Variants in DHX37 observed in about 807,000 individuals in gnomAD.
DHX37 encodes the protein DEAH-box helicase 37.
In DHX37, 52 loss-of-function variants were observed where a neutral mutation model predicts 134.3. That is an observed-to-expected ratio of 0.39 (90% CI 0.31 to 0.49). The LOEUF (loss-of-function observed/expected upper bound fraction) is 0.49, where lower values mean the gene tolerates loss of function less well. DHX37 is among the 20% of genes least tolerant of loss of function. The pLI is 0.93. For missense variants in DHX37, 1,344 were observed against 1,580.8 expected, an observed-to-expected ratio of 0.85 and a Z score of 2.54; for synonymous variants, 634 against 670.7, an observed-to-expected ratio of 0.95 and a Z score of 0.85.
chr12:124,979,332 G>A (rs1051983441), intron 4 of DHX37, among the ~76,000 whole-genome samples: 5 of 152,192 alleles, frequency 3.3e-5, no homozygotes, highest in African/African-American at 1.2e-4. Flanking sequence ...TCAAACCTCT[G>A]CACTTTAGCC....
Position 124,961,218 on chromosome 12 carries a change from GCACACGCACGCACA to G in DHX37, c.2046-809_2046-796del, listed in dbSNP as rs1253760358. Among the ~76,000 whole-genome samples the G allele has an allele frequency of 2.0e-3, 225 of 112,002 alleles. 1 individual carries two copies. The highest frequency in any genetic ancestry group is 7.6e-3 in the African/African-American group (202 of 26,576). 73.5% of individuals were successfully genotyped at this position (112,002 alleles called of 152,430 possible). A position where few individuals can be genotyped will look rare whatever the true frequency, so the allele number is the denominator to read the frequency against. On this transcript the variant is annotated intron_variant, in intron 15 of 26. Coordinates refer to ENST00000308736, the MANE Select transcript of DHX37 (RefSeq NM_032656.4). ...CACACACATACACGTGTGCACGCACGCACACGCACGCACACACACATACACGCGTGCACGCACGC... is the reference window on the plus strand; with the variant it reads ...CACACACATACACGTGTGCACGCACGCACACATACACGCGTGCACGCACGC...
Position 124,988,898 on chromosome 12 carries a change from C to T in DHX37, c.106+19G>A, listed in dbSNP as rs760610816. On this transcript the variant is annotated intron_variant, in intron 1 of 26. Transcript: ENST00000308736. ...CTGGGAAATCTCCGAAATCCAGCCC[C>T]GGTCCGGGGATGTCTTACCCTCCAG... 1.5e-6 allele frequency: 2 copies of T among 1,305,942 alleles called. No homozygotes were observed. The highest frequency in any genetic ancestry group is 2.0e-6 in the Non-Finnish European group (2 of 1,013,212). 80.9% of individuals were successfully genotyped at this position (1,305,942 alleles called of 1,614,324 possible). A position where few individuals can be genotyped will look rare whatever the true frequency, so the allele number is the denominator to read the frequency against.
At chr12:124,947,988 C>T in intron 26 of DHX37, 96 bp downstream of exon 26, 1 of 1,613,174 alleles carries the variant, frequency 6.2e-7, no homozygotes, top group Non-Finnish European at 8.5e-7. Flanking sequence ...CCAGATCCTT[C>T]TGCCAAGCCA....
At chr12:124,960,538 G>A in intron 15 of DHX37, 115 bp from the exon 16 acceptor site, 13 of 1,485,052 alleles carry the variant, frequency 8.8e-6, no homozygotes, top group Non-Finnish European at 1.2e-5. Flanking sequence ...CATGCCACTG[G>A]GACTGGATCT....
intron 10 of DHX37, 76 bp downstream of exon 10, chr12:124,968,458 G>C: frequency 1.9e-6 from 3 of 1,580,900 alleles, no homozygotes; most frequent in South Asian, 1.1e-5. Context: ...CTCGGAGATG[G>C]GCCCTCCCAC....
intron 8 of DHX37, among the ~76,000 whole-genome samples, chr12:124,969,324 G>T (rs1381983214): frequency 6.6e-6 from 1 of 152,178 alleles, no homozygotes; most frequent in African/African-American, 2.4e-5. Flanking sequence ...TCTGTGGGGG[G>T]TGGGAGAGAG....
chr12:124,949,866 C>G lies in DHX37; in HGVS notation c.3290+120G>C, dbSNP rs1370813459. 12 of 1,161,370 alleles carry G rather than the reference C, an allele frequency of 1.0e-5. No individual in the cohort carries two copies. The highest frequency in any genetic ancestry group is 1.5e-5 in the Non-Finnish European group (12 of 819,568). The allele number at this position is 1,161,370 out of a possible 1,614,324, so 71.9% of individuals were successfully genotyped here. On this transcript the variant is annotated intron_variant, in intron 25 of 26. Coordinates refer to ENST00000308736, the MANE Select transcript of DHX37 (RefSeq NM_032656.4). The surrounding 1 kb of genome is among the most constrained non-coding windows in gnomAD (Gnocchi z 4.0). ...GCTCTGCAGAGCCTTCAGACCTGAGCACAGACTTCTGATGTTTTAAGCCTC... is the reference window on the plus strand; with the variant it reads ...GCTCTGCAGAGCCTTCAGACCTGAGGACAGACTTCTGATGTTTTAAGCCTC...
rs2135966014 is a variant in DHX37 at position 124,980,135 on chromosome 12, G to C, written c.738+355C>G. On this transcript the variant is annotated intron_variant, in intron 4 of 26. Coordinates refer to ENST00000308736, the MANE Select transcript of DHX37 (RefSeq NM_032656.4). This position sits in a 1 kb window ranked among gnomAD's most constrained non-coding sequence, Gnocchi z 5.3. ...GCGCGGGAAGTGAGCTGGAGAGCAGGGGAATCAGCACTTGATTTCGGGTCA... is the reference window on the plus strand; with the variant it reads ...GCGCGGGAAGTGAGCTGGAGAGCAGCGGAATCAGCACTTGATTTCGGGTCA... Among the ~76,000 whole-genome samples the C allele has an allele frequency of 6.6e-6, 1 of 152,334 alleles. No homozygotes were observed. Among genetic ancestry groups the C allele is most frequent in the South Asian group, 2.1e-4 (1 of 4,830 alleles).
intron 4 of DHX37, among the ~76,000 whole-genome samples, chr12:124,979,415 T>C (rs781155392): frequency 3.9e-4 from 59 of 152,092 alleles, no homozygotes; most frequent in Non-Finnish European, 6.0e-4. Context: ...AGCAAAAAGC[T>C]AAAACAACCA....
At chr12:124,970,668 T>G (rs570856330) in intron 8 of DHX37, among the ~76,000 whole-genome samples, 6 of 152,156 alleles carry the variant, frequency 3.9e-5, no homozygotes, top group Non-Finnish European at 8.8e-5. Context: ...CCACCCTTGC[T>G]GAAGTGGAGG....
At chr12:124,968,684 G>A (rs745705191) in intron 9 of DHX37, 36 bp from the exon 10 acceptor site, 7 of 1,613,452 alleles carry the variant, frequency 4.3e-6, no homozygotes, top group African/African-American at 4.0e-5. Context: ...GGAGTGGGGG[G>A]GACACGAGCT....
chr12:124,975,681 G>A (rs1397463407), intron 5 of DHX37, among the ~76,000 whole-genome samples, 170 bp from the exon 6 acceptor site: 1 of 152,202 alleles, frequency 6.6e-6, no homozygotes, highest in Non-Finnish European at 1.5e-5. Context: ...ACAGCCCAAA[G>A]GCCAACACAT....
chr12:124,971,215 G>A, intron 8 of DHX37, 87 bp downstream of exon 8: 1 of 1,538,014 alleles, frequency 6.5e-7, no homozygotes, highest in Non-Finnish European at 8.8e-7. Flanking sequence ...GGGTACAACG[G>A]GGAACAGGTG....
chr12:124,975,544 C>T (rs377016021), intron 5 of DHX37, 33 bp from the exon 6 acceptor site: 96 of 1,603,102 alleles, frequency 6.0e-5, no homozygotes, highest in Middle Eastern at 3.3e-4. Flanking sequence ...ATCAACAGTG[C>T]GCGGCCCCAC....
intron 15 of DHX37, among the ~76,000 whole-genome samples, chr12:124,960,752 A>G (rs4765009): frequency 0.37 from 56,032 of 152,090 alleles, 10,751 homozygotes; most frequent in East Asian, 0.64. Context: ...TCAGGAGTTC[A>G]AGACCAGCCT....
rs71092252 is a variant in DHX37 at position 124,973,638 on chromosome 12, C to CTTTT, written c.981-1043_981-1040dup. On this transcript the variant is annotated intron_variant, in intron 6 of 26. Transcript: ENST00000308736. ...TTATGTATATGCGCCCCCCCCAACG[C>CTTTT]TTTTTTTTTTTTTTTTTTTTGAGAT... Among the ~76,000 whole-genome samples, 304 of 102,822 alleles carry CTTTT rather than the reference C, an allele frequency of 3.0e-3. 55 individuals are homozygous for CTTTT. Among genetic ancestry groups the CTTTT allele is most frequent in the African/African-American group, 3.4e-3 (89 of 26,278 alleles). The allele number at this position is 102,822 out of a possible 152,430, so 67.5% of individuals were successfully genotyped here.
At chr12:124,954,873 C>T (rs1361943987) in intron 18 of DHX37, among the ~76,000 whole-genome samples, 1 of 152,150 alleles carries the variant, frequency 6.6e-6, no homozygotes, top group Non-Finnish European at 1.5e-5. Context: ...TTTAATTCTA[C>T]CAACAATCCA....
intron 21 of DHX37, among the ~76,000 whole-genome samples, chr12:124,951,724 C>A (rs147573155): frequency 6.6e-6 from 1 of 152,122 alleles, no homozygotes; most frequent in African/African-American, 2.4e-5. Context: ...GTAAGCCCAG[C>A]GTTTTGGGAG....
intron 2 of DHX37, among the ~76,000 whole-genome samples, chr12:124,983,413 T>C (rs1954795209): frequency 1.2e-5 from 1 of 86,826 alleles, no homozygotes; most frequent in Non-Finnish European, 2.3e-5. Context: ...CTTCTATGTG[T>C]GTATTACACA....
Sources: allele counts gnomAD v4.1 joint callset (sites outside exome capture counted in the v4.1 genomes callset), GRCh38; gene constraint gnomAD v4.1.1; non-coding constraint Gnocchi (gnomAD v3.1); transcripts MANE v1.5; gene names NCBI Gene and HGNC (gene_info 2026-07-23, HGNC 2026-07-21).